Variants in CASP10 observed in about 807,000 individuals in gnomAD.
CASP10 encodes the protein caspase 10.
A neutral mutation model predicts 48.5 loss-of-function variants in CASP10; 41 were observed. The observed-to-expected ratio is 0.85, with a 90% CI of 0.66 to 1.10. CASP10 has a LOEUF of 1.10. Among genes scored for constraint, CASP10 ranks in the 50% least tolerant of loss-of-function variants. CASP10 has a pLI of 0.00. For synonymous variants in CASP10, 232 were observed against 238.4 expected (o/e 0.97, Z 0.25); for missense variants, 614 against 614.5 (o/e 1.00, Z 0.01).
chr2:201,209,112 A>C lies in CASP10; in HGVS notation c.965A>C (p.His322Pro). 1 of 1,609,270 alleles carries C rather than the reference A, an allele frequency of 6.2e-7. No homozygotes were observed. The highest frequency in any genetic ancestry group is 8.5e-7 in the Non-Finnish European group (1 of 1,179,228). Residue 322 changes from histidine (H) to proline (P), a missense_variant, in exon 9 of 10, where the codon CAT (histidine) becomes CCT (proline). Transcript: ENST00000286186. ...TTCCAGTGGCTTGGGTTCACAGTGC[A>C]TATACACAATAATGTGACGAAAGTG... is the stretch of plus-strand genomic sequence containing the variant. ...HVFQWLGFTV[H>P]IHNNVTKVEM... is the part of the protein sequence containing the mutation.
At chr2:201,187,878 G>T in intron 3 of CASP10, 79 bp downstream of exon 3, 1 of 1,079,736 alleles carries the variant, frequency 9.3e-7, no homozygotes. Context: ...AGGGTTTTTA[G>T]GGAGATTTAT....
rs1474546634 is a variant in CASP10, at chr2:201,218,516, G to C, written c.*775G>C. On this transcript the variant is annotated 3_prime_UTR_variant, in exon 10 of 10. Transcript: ENST00000286186. ...GGGGTTTCACTATGTTGCCTAAGCT[G>C]GTCTCAAACTCCTGGGCTCAAGCGA... 2 of 803,090 alleles carry C rather than the reference G, an allele frequency of 2.5e-6. No individual in the cohort carries two copies. Among genetic ancestry groups the C allele is most frequent in the Non-Finnish European group, 3.0e-6 (2 of 664,544 alleles). The allele number at this position is 803,090 out of a possible 1,614,324, so 49.7% of individuals were successfully genotyped here.
intron 5 of CASP10, among the ~76,000 whole-genome samples, chr2:201,197,876 AG>A (rs1348443704): frequency 3.9e-5 from 6 of 152,358 alleles, no homozygotes; most frequent in Admixed American, 2.0e-4. Context: ...TGTATCCATA[AG>A]TGGAAATGGT....
chr2:201,220,639 C>T lies in CASP10; in HGVS notation c.*2898C>T. On this transcript the variant is annotated 3_prime_UTR_variant, in exon 10 of 10. Transcript: ENST00000286186. ...TGTAAGTGAGTGGGCTCTGACCTAA[C>T]TCGGCCAGAAGCCCCTTTCAAATTT... 1.7e-6 allele frequency: 1 copy of T among 577,028 alleles called. No homozygotes were observed. Among genetic ancestry groups the T allele is most frequent in the Non-Finnish European group, 2.2e-6 (1 of 456,984 alleles). 35.7% of individuals were successfully genotyped at this position (577,028 alleles called of 1,614,324 possible).
Position 201,200,390 on chromosome 2 carries a change from G to C in CASP10, c.685-3340G>C, listed in dbSNP as rs899010346. ...TGACTCCAGTATTCTCTCCACATTC[G>C]TAAGTTGGCTCTCAGCATTCTACTG... On this transcript the variant is annotated intron_variant, in intron 5 of 9. Coordinates refer to ENST00000286186, the MANE Select transcript of CASP10 (RefSeq NM_032977.4). 2.1e-5 allele frequency: 32 copies of C among 1,524,332 alleles called. No individual in the cohort carries two copies. In the South Asian group the frequency reaches 2.9e-4, roughly 14 times the overall value. The allele number at this position is 1,524,332 out of a possible 1,614,324, so 94.4% of individuals were successfully genotyped here.
Position 201,228,948 on chromosome 2 carries a change from G to A in CASP10, c.1431G>A (p.Leu477=), listed in dbSNP as rs754748587. ...TGCTCAGTAGGATGCTGAAATTTCT[G>A]GAAAAGACAATGGAAATCAGGGGCA... Residue 477 remains leucine (L), a synonymous_variant, in exon 10 of 10, where the codon CTG becomes CTA. Coordinates refer to the CASP10 transcript ENST00000272879. 6 of 1,614,112 alleles carry A rather than the reference G, an allele frequency of 3.7e-6. No individual in the cohort carries two copies. In the South Asian group the frequency reaches 6.6e-5, roughly 18 times the overall value.
intron 3 of CASP10, among the ~76,000 whole-genome samples, chr2:201,188,679 T>C (rs1207614630): frequency 6.6e-6 from 1 of 152,190 alleles, no homozygotes; most frequent in East Asian, 1.9e-4. Flanking sequence ...CTGCATTTCC[T>C]GCAGACTGGC....
intron 6 of CASP10, among the ~76,000 whole-genome samples, chr2:201,205,203 C>A (rs1037635490): frequency 6.6e-6 from 1 of 151,558 alleles, no homozygotes; most frequent in South Asian, 2.1e-4. Flanking sequence ...TTCTTTTTCC[C>A]CTCTTTTTTC....
At chr2:201,185,210 A>G (rs895818267) in intron 1 of CASP10, among the ~76,000 whole-genome samples, 1 of 152,044 alleles carries the variant, frequency 6.6e-6, no homozygotes, top group African/African-American at 2.4e-5. Context: ...CTCAGGCTTG[A>G]GGTCTAGGAT....
downstream of CASP10, among the ~76,000 whole-genome samples, chr2:201,222,220 C>CTTTTTTTTTTTTTT (rs11392581): frequency 7.3e-6 from 1 of 136,660 alleles, no homozygotes; most frequent in Non-Finnish European, 1.6e-5. Context: ...TTTATTCATT[C>CTTTTTTTTTTTTTT]TTTTTTTTTT....
intron 5 of CASP10, among the ~76,000 whole-genome samples, chr2:201,199,678 A>G (rs1944943265): frequency 1.3e-5 from 2 of 149,804 alleles, no homozygotes. Flanking sequence ...AGGTTAAAGC[A>G]ATTCTTGTGC....
At chr2:201,228,991 G>T (rs765694603) in exon 10 of CASP10, 66 of 1,613,974 alleles carry the variant, frequency 4.1e-5, no homozygotes, top group Non-Finnish European at 5.4e-5. Context: ...AACAGTGTGG[G>T]GTGCTAAACA....
downstream of CASP10, among the ~76,000 whole-genome samples, chr2:201,223,828 C>T (rs548442372): frequency 5.4e-4 from 83 of 152,296 alleles, no homozygotes; most frequent in Middle Eastern, 3.4e-3. Flanking sequence ...GACAGAGTCT[C>T]ACTGTGTCAC....
chr2:201,207,113 C>T (rs1466591744), intron 7 of CASP10, among the ~76,000 whole-genome samples: 5 of 152,106 alleles, frequency 3.3e-5, no homozygotes, highest in Non-Finnish European at 7.3e-5. Flanking sequence ...GGAGTGGCAT[C>T]CTGAAAGAAA....
In CASP10 at chr2:201,218,689, T is replaced by C; in HGVS notation, c.*948T>C. 2 of 985,426 alleles carry C rather than the reference T, an allele frequency of 2.0e-6. No homozygotes were observed. Among genetic ancestry groups the C allele is most frequent in the Non-Finnish European group, 1.2e-6 (1 of 829,958 alleles). The allele number at this position is 985,426 out of a possible 1,614,324, so 61.0% of individuals were successfully genotyped here. On this transcript the variant is annotated 3_prime_UTR_variant, in exon 10 of 10. Transcript: ENST00000286186. ...AGCTTAGATTGCCTCTCTAGACAACTACCCCTTAGTTATAATTCTGTGTCC... is the reference window on the plus strand; with the variant it reads ...AGCTTAGATTGCCTCTCTAGACAACCACCCCTTAGTTATAATTCTGTGTCC...
Position 201,208,194 on chromosome 2 carries a change from C to T in CASP10, c.922+11C>T, listed in dbSNP as rs773105887. ...CCCATAAAGATGCTGGTAAGAAAGT[C>T]TGGAACAGTTTATCAAATGCAAATT... is the stretch of plus-strand genomic sequence containing the variant. On this transcript the variant is annotated intron_variant, in intron 8 of 9. Coordinates refer to ENST00000286186, the MANE Select transcript of CASP10 (RefSeq NM_032977.4). 2.5e-6 allele frequency: 4 copies of T among 1,601,856 alleles called. No individual in the cohort carries two copies. Among genetic ancestry groups the T allele is most frequent in the Non-Finnish European group, 2.6e-6 (3 of 1,176,230 alleles).
Position 201,217,921 on chromosome 2 carries a change from T to A in CASP10, c.*180T>A. The A allele has an allele frequency of 6.9e-7, 1 of 1,447,018 alleles. No individual in the cohort carries two copies. The highest frequency in any genetic ancestry group is 9.1e-7 in the Non-Finnish European group (1 of 1,100,882). The allele number at this position is 1,447,018 out of a possible 1,614,324, so 89.6% of individuals were successfully genotyped here. ...TTTGCAAGTCTAAATGTTAGAAAAC[T>A]TTCTTTTTTTTGGAGATAGTCTCAT... is the stretch of plus-strand genomic sequence containing the variant. On this transcript the variant is annotated 3_prime_UTR_variant, in exon 10 of 10. Coordinates refer to ENST00000286186, the MANE Select transcript of CASP10 (RefSeq NM_032977.4).
intron 7 of CASP10, among the ~76,000 whole-genome samples, chr2:201,207,651 G>A (rs1180253800): frequency 6.6e-6 from 1 of 152,058 alleles, no homozygotes; most frequent in Admixed American, 6.6e-5. Context: ...CAGCTACTCG[G>A]GAGGCTGAGG....
chr2:201,221,416 C>T lies in CASP10; in HGVS notation c.*3675C>T. The T allele has an allele frequency of 1.2e-5, 4 of 345,866 alleles. No individual in the cohort carries two copies. The highest frequency in any genetic ancestry group is 1.6e-5 in the Non-Finnish European group (4 of 245,426). 21.4% of individuals were successfully genotyped at this position (345,866 alleles called of 1,614,324 possible). A position where few individuals can be genotyped will look rare whatever the true frequency, so the allele number is the denominator to read the frequency against. ...ACAAAAGAAGTGAAAATGGCCTGTT[C>T]CTGCCTTAACTGATGACATTACCTT... On this transcript the variant is annotated 3_prime_UTR_variant, in exon 10 of 10. Transcript: ENST00000286186.
Sources: allele counts gnomAD v4.1 joint callset (sites outside exome capture counted in the v4.1 genomes callset), GRCh38; gene constraint gnomAD v4.1.1; transcripts MANE v1.5; gene names NCBI Gene and HGNC (gene_info 2026-07-23, HGNC 2026-07-21).